TSC22D1: variants seen among roughly 807,000 people sequenced by gnomAD.
TSC22D1 encodes the protein TSC22 domain family member 1.
Under a neutral mutation model 74.2 loss-of-function variants are expected in TSC22D1, and 9 were observed. That is an observed-to-expected ratio of 0.12 (90% CI 0.07 to 0.21). The LOEUF is 0.21. Ranked by LOEUF, TSC22D1 falls within the 10% of genes least tolerant of loss-of-function variation. The probability of loss-of-function intolerance (pLI) is 1.00; values close to 1 mark genes in which losing one functional copy is unlikely to be tolerated. For synonymous variants in TSC22D1, 586 were observed against 492.5 expected (o/e 1.19, Z -2.51); for missense variants, 1,427 against 1,304.7 (o/e 1.09, Z -1.44).
At chr13:44,518,485 G>T (rs1209095461) in intron 1 of TSC22D1, among the ~76,000 whole-genome samples, 1 of 152,074 alleles carries the variant, frequency 6.6e-6, no homozygotes, top group African/African-American at 2.4e-5. Flanking sequence ...AAAGTTCAAA[G>T]ATGTTGGAAA....
intron 1 of TSC22D1, among the ~76,000 whole-genome samples, chr13:44,509,950 C>CAAAAAAAAAAAAAAACAAAAAAAAAAAA (rs1879616515): frequency 1.9e-5 from 1 of 51,424 alleles, no homozygotes; most frequent in Admixed American, 2.7e-4. Flanking sequence ...AGAAAATAAG[C>CAAAAAAAAAAAAAAACAAAAAAAAAAAA]AAAAAAAAAA....
intron 1 of TSC22D1, among the ~76,000 whole-genome samples, chr13:44,562,001 T>C (rs1238570507): frequency 6.6e-6 from 1 of 152,186 alleles, no homozygotes; most frequent in African/African-American, 2.4e-5. Flanking sequence ...AGAGATTTTA[T>C]AATCATCTAA....
rs146349361 is a variant in TSC22D1, at chr13:44,533,091, GCTAAA to G, written c.2912+40067_2912+40071del. ...ATTATCTTGCATGTAAAATAAGGGT[GCTAAA>G]CTAGAGAATTCTAAAGTAATTTTCA... On this transcript the variant is annotated intron_variant, in intron 1 of 2. Transcript: ENST00000458659. Among the ~76,000 whole-genome samples, 582 of 152,244 alleles carry G rather than the reference GCTAAA, an allele frequency of 3.8e-3. 1 individual carries two copies. Among genetic ancestry groups the G allele is most frequent in the African/African-American group, 0.014 (566 of 41,536 alleles).
In TSC22D1 at chr13:44,573,647, C is replaced by A. The variant is rs1345554139; in HGVS notation, c.2428G>T (p.Ala810Ser). Residue 810 changes from alanine (A) to serine (S), a missense_variant, in exon 1 of 3, where the codon GCT becomes TCT. Physicochemically the swap from Ala to Ser is moderately conservative, Grantham distance 99. Coordinates refer to ENST00000458659, the MANE Select transcript of TSC22D1 (RefSeq NM_183422.4). ...PPQPQGVEPV[A>S]QGIVSQQLPA... ...AACTGCTGTGAAACAATTCCTTGAGCTACTGGTTCTACTCCTTGTGGCTGG... is the reference window on the plus strand; with the variant it reads ...AACTGCTGTGAAACAATTCCTTGAGATACTGGTTCTACTCCTTGTGGCTGG... The A allele has an allele frequency of 6.2e-7, 1 of 1,614,240 alleles. No homozygotes were observed. Among genetic ancestry groups the A allele is most frequent in the East Asian group, 2.2e-5 (1 of 44,888 alleles).
At chr13:44,474,118 G>C (rs867401462) in intron 1 of TSC22D1, 1 of 454,790 alleles carries the variant, frequency 2.2e-6, no homozygotes, top group Non-Finnish European at 2.9e-6. Flanking sequence ...TCCAAGCTGA[G>C]TATTTAGAAA....
At chr13:44,499,517 C>T (rs1314737623) in intron 1 of TSC22D1, among the ~76,000 whole-genome samples, 1 of 152,010 alleles carries the variant, frequency 6.6e-6, no homozygotes, top group Non-Finnish European at 1.5e-5. Flanking sequence ...TAATTCTGCC[C>T]ACTTTACAAC....
At chr13:44,508,906 GA>G (rs927860888) in intron 1 of TSC22D1, among the ~76,000 whole-genome samples, 4 of 152,170 alleles carry the variant, frequency 2.6e-5, no homozygotes, top group Middle Eastern at 3.2e-3. Context: ...ACTGAGGAAG[GA>G]AATGTCCAAG....
intron 1 of TSC22D1, among the ~76,000 whole-genome samples, chr13:44,449,372 C>T (rs575504249): frequency 6.6e-6 from 1 of 152,206 alleles, no homozygotes; most frequent in African/African-American, 2.4e-5. Flanking sequence ...TTTCATTAGC[C>T]CTGACAGTTC....
At chr13:44,514,475 A>G (rs963429416) in intron 1 of TSC22D1, among the ~76,000 whole-genome samples, 3 of 152,098 alleles carry the variant, frequency 2.0e-5, no homozygotes, top group Non-Finnish European at 2.9e-5. Flanking sequence ...TTTACTACTC[A>G]TATCACTGAC....
chr13:44,458,523 G>A (rs1876801256), intron 1 of TSC22D1, among the ~76,000 whole-genome samples: 1 of 152,174 alleles, frequency 6.6e-6, no homozygotes, highest in Non-Finnish European at 1.5e-5. Context: ...GCAAGGGCCA[G>A]GAACAGGCGG....
chr13:44,533,264 C>T (rs535045383), intron 1 of TSC22D1, among the ~76,000 whole-genome samples: 20 of 151,694 alleles, frequency 1.3e-4, no homozygotes, highest in Middle Eastern at 6.9e-3. Flanking sequence ...AGTTCGAGAC[C>T]AGCCTGGCCA....
At chr13:44,560,323 G>A (rs956408779) in intron 1 of TSC22D1, among the ~76,000 whole-genome samples, 1 of 151,730 alleles carries the variant, frequency 6.6e-6, no homozygotes, top group Non-Finnish European at 1.5e-5. Flanking sequence ...ATTGGGGGGG[G>A]ATCTTCATTA....
intron 1 of TSC22D1, among the ~76,000 whole-genome samples, chr13:44,502,116 C>G (rs897133292): frequency 1.3e-5 from 2 of 152,128 alleles, no homozygotes; most frequent in Admixed American, 1.3e-4. Context: ...TTTGATGATT[C>G]TGATACAGGT....
intron 1 of TSC22D1, among the ~76,000 whole-genome samples, chr13:44,527,904 C>T (rs1379962215): frequency 1.3e-5 from 2 of 152,032 alleles, no homozygotes; most frequent in African/African-American, 2.4e-5. Flanking sequence ...GGAATAACTG[C>T]ATTAATCTCA....
intron 1 of TSC22D1, among the ~76,000 whole-genome samples, chr13:44,490,159 A>G (rs533671076): frequency 6.6e-6 from 1 of 152,342 alleles, no homozygotes; most frequent in African/African-American, 2.4e-5. Context: ...AAAATGAACA[A>G]ACTTCTATTA....
At chr13:44,548,356 A>C (rs1420380362) in intron 1 of TSC22D1, among the ~76,000 whole-genome samples, 1 of 152,226 alleles carries the variant, frequency 6.6e-6, no homozygotes, top group Non-Finnish European at 1.5e-5. Context: ...GTCTCTACTA[A>C]AATAGAGACA....
At chr13:44,440,034 A>AC (rs1011049327) in intron 1 of TSC22D1, among the ~76,000 whole-genome samples, 1 of 152,168 alleles carries the variant, frequency 6.6e-6, no homozygotes, top group African/African-American at 2.4e-5. Context: ...AAGGACTCCC[A>AC]CGTCACCTCC....
intron 1 of TSC22D1, among the ~76,000 whole-genome samples, chr13:44,540,558 G>A (rs1453803047): frequency 6.6e-6 from 1 of 152,072 alleles, no homozygotes; most frequent in Non-Finnish European, 1.5e-5. Flanking sequence ...AACTGGGAAG[G>A]CAGAATAGTG....
At chr13:44,438,363 A>G (rs1425596267) in intron 1 of TSC22D1, among the ~76,000 whole-genome samples, 1 of 152,182 alleles carries the variant, frequency 6.6e-6, no homozygotes, top group Non-Finnish European at 1.5e-5. Flanking sequence ...ATCTTTCCTC[A>G]AGCAGCATCC....
Sources: gnomAD v4.1 joint callset for allele counts (sites outside exome capture counted in the v4.1 genomes callset) on GRCh38, gnomAD v4.1.1 for gene constraint, MANE v1.5 for transcripts, NCBI Gene and HGNC (gene_info 2026-07-23, HGNC 2026-07-21) for gene names.